Variants in QRFPR observed in about 807,000 individuals in gnomAD.
The protein encoded by QRFPR is pyroglutamylated RF-amide peptide receptor.
QRFPR carries 37 observed loss-of-function variants against 31.3 expected under a neutral mutation model. The ratio of observed to expected loss-of-function variants is 1.18; its 90% CI spans 0.91 to 1.56. The LOEUF (loss-of-function observed/expected upper bound fraction) is 1.56. Among genes scored for constraint, QRFPR ranks in the 40% most tolerant of loss-of-function variants. QRFPR has a pLI of 0.00. For missense variants in QRFPR, 542 were observed against 532.5 expected (o/e 1.02, Z -0.18); for synonymous variants, 197 against 192.0 (o/e 1.03, Z -0.22).
At chr4:121,355,728 A>C (rs1303485744) in intron 1 of QRFPR, among the ~76,000 whole-genome samples, 1 of 151,798 alleles carries the variant, frequency 6.6e-6, no homozygotes, top group East Asian at 1.9e-4. Context: ...ACTACTTTTG[A>C]TATATCCCGT....
At chr4:121,330,969 T>C (rs997504071) in intron 4 of QRFPR, among the ~76,000 whole-genome samples, 3 of 152,054 alleles carry the variant, frequency 2.0e-5, no homozygotes, top group African/African-American at 7.2e-5. Flanking sequence ...AAAATATCAA[T>C]ATTTATAAAA....
Position 121,350,618 on chromosome 4 carries a change from T to C in QRFPR, c.341-10008A>G, listed in dbSNP as rs147643593. On this transcript the variant is annotated intron_variant, in intron 1 of 5. Coordinates refer to ENST00000394427, the MANE Select transcript of QRFPR (RefSeq NM_198179.3). ...GGCACATGCATCCCTTTGTGAACAC[T>C]GGACATGCTTTTCAAAACAACTACT... Among the ~76,000 whole-genome samples, 993 of 152,340 alleles carry C rather than the reference T, an allele frequency of 6.5e-3. 9 individuals carry two copies. Among genetic ancestry groups the C allele is most frequent in the African/African-American group, 0.017 (705 of 41,594 alleles).
At chr4:121,376,406 G>A (rs541975784) in intron 1 of QRFPR, among the ~76,000 whole-genome samples, 1 of 152,160 alleles carries the variant, frequency 6.6e-6, no homozygotes, top group Non-Finnish European at 1.5e-5. Flanking sequence ...TCCAACTTTA[G>A]TGTAATTCAT....
chr4:121,346,470 A>G (rs1202151687), intron 1 of QRFPR, among the ~76,000 whole-genome samples: 1 of 152,206 alleles, frequency 6.6e-6, no homozygotes, highest in African/African-American at 2.4e-5. Flanking sequence ...TTCTACATAG[A>G]AAATAATGTC....
rs763402128 is a variant in QRFPR at position 121,377,147 on chromosome 4, TTAGAA to T, written c.340+3156_340+3160del. ...TTGCATTTTACTTTTTGTATTTGAC[TTAGAA>T]GTCAGCATCATAAAAATCTGTATTC... On this transcript the variant is annotated intron_variant, in intron 1 of 5. Coordinates refer to ENST00000394427, the MANE Select transcript of QRFPR (RefSeq NM_198179.3). Among the ~76,000 whole-genome samples, 20 of 152,326 alleles carry T rather than the reference TTAGAA, an allele frequency of 1.3e-4. No homozygotes were observed. In the East Asian group the frequency reaches 3.9e-3, roughly 29 times the overall value.
rs575693079 is a variant in QRFPR, at chr4:121,329,044, G to C, written c.*270C>G. The C allele has an allele frequency of 3.1e-5, 9 of 286,472 alleles. No individual in the cohort carries two copies. In the Admixed American group the frequency reaches 4.5e-4, roughly 14 times the overall value. 17.7% of individuals were successfully genotyped at this position (286,472 alleles called of 1,614,324 possible). ...GCTGGGATTACAGGCATGAGCCACCGTGCCTGGCCTTCCATGTTGCTTTTT... is the reference window on the plus strand; with the variant it reads ...GCTGGGATTACAGGCATGAGCCACCCTGCCTGGCCTTCCATGTTGCTTTTT... On this transcript the variant is annotated 3_prime_UTR_variant, in exon 6 of 6. Transcript: ENST00000394427.
intron 1 of QRFPR, chr4:121,369,578 C>A: frequency 6.2e-7 from 1 of 1,610,984 alleles, no homozygotes; most frequent in Admixed American, 1.7e-5. Flanking sequence ...GGCCTGGGCA[C>A]GGATCAGTTC....
At chr4:121,368,000 G>A (rs1726159380) in intron 1 of QRFPR, among the ~76,000 whole-genome samples, 1 of 149,112 alleles carries the variant, frequency 6.7e-6, no homozygotes, top group African/African-American at 2.5e-5. Context: ...CTATGGAAAG[G>A]CCAGCTTCTT....
intron 1 of QRFPR, among the ~76,000 whole-genome samples, chr4:121,353,501 C>T (rs1043573830): frequency 2.6e-5 from 4 of 152,070 alleles, no homozygotes; most frequent in East Asian, 1.9e-4. Flanking sequence ...TAACTGTTGG[C>T]CACTTGCATG....
At chr4:121,332,778 A>G in intron 4 of QRFPR, 43 bp downstream of exon 4, 1 of 1,449,636 alleles carries the variant, frequency 6.9e-7, no homozygotes, top group Non-Finnish European at 9.6e-7. Flanking sequence ...CAGCACAATT[A>G]ATTAAAAATA....
At chr4:121,334,144 G>T (rs1396974848) in intron 3 of QRFPR, among the ~76,000 whole-genome samples, 2 of 152,132 alleles carry the variant, frequency 1.3e-5, no homozygotes, top group South Asian at 2.1e-4. Context: ...CAATGACCAG[G>T]GGGTATGGAC....
chr4:121,365,490 T>TA lies in QRFPR; in HGVS notation c.340+14817_340+14818insT, dbSNP rs1726075290. On this transcript the variant is annotated intron_variant, in intron 1 of 5. Coordinates refer to ENST00000394427, the MANE Select transcript of QRFPR (RefSeq NM_198179.3). ...TAAATAAATTAATTAATTAATTAAA[T>TA]TATATATATAATATATATAATATAT... 1.2e-4 allele frequency among the ~76,000 whole-genome samples: 2 copies of TA among 16,858 alleles called. 1 individual carries two copies. The highest frequency in any genetic ancestry group is 5.5e-4 in the African/African-American group (2 of 3,632). 11.1% of individuals were successfully genotyped at this position (16,858 alleles called of 152,430 possible).
chr4:121,337,967 T>C (rs1348230937), intron 2 of QRFPR, among the ~76,000 whole-genome samples: 1 of 152,206 alleles, frequency 6.6e-6, no homozygotes, highest in Non-Finnish European at 1.5e-5. Flanking sequence ...CTGCTTGTTC[T>C]TTCTATATTG....
chr4:121,366,252 C>T (rs1046102150), intron 1 of QRFPR, among the ~76,000 whole-genome samples: 2 of 149,890 alleles, frequency 1.3e-5, no homozygotes, highest in African/African-American at 4.9e-5. Context: ...TGAGCTTGGG[C>T]ATTTTACTTA....
chr4:121,355,677 T>G (rs534613370), intron 1 of QRFPR, among the ~76,000 whole-genome samples: 18 of 152,104 alleles, frequency 1.2e-4, no homozygotes, highest in African/African-American at 3.6e-4. Context: ...TTTTCTGCTT[T>G]TCTGATGTAG....
intron 1 of QRFPR, among the ~76,000 whole-genome samples, chr4:121,358,464 T>A (rs921438860): frequency 1.3e-5 from 2 of 152,242 alleles, no homozygotes; most frequent in Non-Finnish European, 2.9e-5. Flanking sequence ...GGCTATCTGA[T>A]AATGTTCAAA....
intron 1 of QRFPR, among the ~76,000 whole-genome samples, chr4:121,345,722 A>C (rs1428076970): frequency 2.0e-5 from 3 of 152,230 alleles, no homozygotes; most frequent in Non-Finnish European, 4.4e-5. Flanking sequence ...TAAATCATTT[A>C]TACAACTCTA....
intron 1 of QRFPR, among the ~76,000 whole-genome samples, chr4:121,346,114 A>G (rs1440795222): frequency 6.6e-6 from 1 of 152,274 alleles, no homozygotes; most frequent in Non-Finnish European, 1.5e-5. Flanking sequence ...GACACATTGC[A>G]GTTTCATAAA....
chr4:121,370,010 GT>G, intron 1 of QRFPR: 1 of 769,546 alleles, frequency 1.3e-6, no homozygotes, highest in Non-Finnish European at 2.4e-6. Flanking sequence ...TCCTGGGTCT[GT>G]TTTGTGATCA....
Sources: gnomAD v4.1 joint callset for allele counts (sites outside exome capture counted in the v4.1 genomes callset) on GRCh38, gnomAD v4.1.1 for gene constraint, MANE v1.5 for transcripts, NCBI Gene and HGNC (gene_info 2026-07-23, HGNC 2026-07-21) for gene names.